The following ZNF280C variants were observed in gnomAD, a reference collection of about 807,000 sequenced individuals.
ZNF280C encodes the protein zinc finger protein 280C.
A neutral mutation model predicts 53.6 loss-of-function variants in ZNF280C; 14 were observed. The ratio of observed to expected loss-of-function variants is 0.26; its 90% confidence interval spans 0.17 to 0.41. The LOEUF (loss-of-function observed/expected upper bound fraction) is 0.41. Ranked by LOEUF, ZNF280C falls within the 10% of genes least tolerant of loss-of-function variation. The pLI is 1.00. For missense variants in ZNF280C, 416 were observed against 547.1 expected (o/e 0.76, Z 2.39); for synonymous variants, 203 against 181.1 (o/e 1.12, Z -0.97).
intron 5 of ZNF280C, among the ~76,000 whole-genome samples, 186 bp from the exon 6 acceptor site, chrX:130,239,879 T>C (rs1479990856): frequency 9.0e-6 from 1 of 111,395 alleles, no homozygotes; most frequent in African/African-American, 3.2e-5. Context: ...TGCATTATTT[T>C]TGTAATTTTT....
In ZNF280C at chrX:130,220,777, G is replaced by A. The variant is rs1026850184; in HGVS notation, c.1396-297C>T. Among the ~76,000 whole-genome samples the A allele has an allele frequency of 2.7e-5, 3 of 111,094 alleles. No individual in the cohort carries two copies. In the Admixed American group the frequency reaches 2.9e-4, roughly 11 times the overall value. ...ACGAGTGGATCCCAATCTATTGTTT[G>A]AGAAACCCTTGACTAAATCCCTCCT... is the stretch of plus-strand genomic sequence containing the variant. On this transcript the variant is annotated intron_variant, in intron 12 of 18. Transcript: ENST00000370978.
rs749412716 is a variant in ZNF280C at position 130,226,709 on chromosome X, A to C, written c.1395+50T>G. The C allele has an allele frequency of 2.6e-6, 3 of 1,148,485 alleles. No homozygotes were observed. The East Asian group carries it at 8.9e-5, about 34-fold the overall frequency. 94.6% of individuals were successfully genotyped at this position (1,148,485 alleles called of 1,213,427 possible). On this transcript the variant is annotated intron_variant, in intron 12 of 18. Coordinates refer to ENST00000370978, the MANE Select transcript of ZNF280C (RefSeq NM_017666.5). ...GCTATAGATCTATACATATAGATCT[A>C]TATCTTTTCACTAAGACAACATGAA...
chrX:130,239,563 A>T lies in ZNF280C; in HGVS notation c.493+19T>A. Reference sequence around the variant, plus strand: ...CAAGTCTCTTTTTATAATTTTTATGAAAGAGTGCTAAACCAAACCTTCTCT... The same window carrying T: ...CAAGTCTCTTTTTATAATTTTTATGTAAGAGTGCTAAACCAAACCTTCTCT... On this transcript the variant is annotated intron_variant, in intron 6 of 18. Transcript: ENST00000370978. 1 of 969,126 alleles carries T rather than the reference A, an allele frequency of 1.0e-6. No individual in the cohort carries two copies. Among genetic ancestry groups the T allele is most frequent in the Non-Finnish European group, 1.5e-6 (1 of 687,944 alleles). The allele number at this position is 969,126 out of a possible 1,213,427, so 79.9% of individuals were successfully genotyped here.
intron 2 of ZNF280C, among the ~76,000 whole-genome samples, chrX:130,251,889 G>A (rs111705798): frequency 0.063 from 6,972 of 111,445 alleles, 534 homozygotes; most frequent in African/African-American, 0.21. Context: ...CGGGGTGGGC[G>A]GATCACTTGA....
intron 1 of ZNF280C, among the ~76,000 whole-genome samples, chrX:130,265,400 A>T (rs1569442058): frequency 8.9e-6 from 1 of 112,300 alleles, no homozygotes; most frequent in Admixed American, 9.5e-5. Flanking sequence ...TCATATGTAA[A>T]AGATATAATA....
chrX:130,263,077 G>A, intron 1 of ZNF280C, among the ~76,000 whole-genome samples: 1 of 112,485 alleles, frequency 8.9e-6, no homozygotes, highest in African/African-American at 3.2e-5. Flanking sequence ...TGTTGGCAAG[G>A]ATGTAGAGAA....
At chrX:130,233,121 G>T (rs1456162934) in intron 8 of ZNF280C, among the ~76,000 whole-genome samples, 1 of 111,456 alleles carries the variant, frequency 9.0e-6, no homozygotes, top group African/African-American at 3.3e-5. Flanking sequence ...AATATTACAT[G>T]ATTTCTGTTA....
At position 130,203,186 on chromosome X, in the gene ZNF280C, T is replaced by C. The variant is rs1053653264; in HGVS notation, c.*1791A>G. ...ACAATTCTAAGAAATGTCTTGGAGT[T>C]TGTAATAAGAACAAAACAAACACAA... On this transcript the variant is annotated 3_prime_UTR_variant, in exon 19 of 19. Coordinates refer to ENST00000370978, the MANE Select transcript of ZNF280C (RefSeq NM_017666.5). 3.6e-5 allele frequency: 4 copies of C among 111,038 alleles called. No individual in the cohort carries two copies. The highest frequency in any genetic ancestry group is 5.7e-5 in the Non-Finnish European group (3 of 52,988). 9.2% of individuals were successfully genotyped at this position (111,038 alleles called of 1,213,427 possible). A position where few individuals can be genotyped will look rare whatever the true frequency, so the allele number is the denominator to read the frequency against.
intron 13 of ZNF280C, 27 bp downstream of exon 13, chrX:130,220,322 C>A (rs2032151090): frequency 2.8e-6 from 3 of 1,089,535 alleles, no homozygotes; most frequent in Admixed American, 3.4e-5. Context: ...GTGCAAAAAA[C>A]CACCAAAAAC....
chrX:130,264,955 CT>C (rs2124719651), intron 1 of ZNF280C, among the ~76,000 whole-genome samples: 1 of 111,994 alleles, frequency 8.9e-6, no homozygotes, highest in African/African-American at 3.2e-5. Context: ...GACAATTTGA[CT>C]GGCATCTCAA....
chrX:130,243,726 T>TG (rs1456200300), intron 4 of ZNF280C, 27 bp from the exon 5 acceptor site: 1 of 1,181,284 alleles, frequency 8.5e-7, no homozygotes. Flanking sequence ...TACAACATAT[T>TG]GAATATATTT....
At chrX:130,220,293 A>G in intron 13 of ZNF280C, 56 bp downstream of exon 13, 3 of 1,056,796 alleles carry the variant, frequency 2.8e-6, no homozygotes, top group East Asian at 3.3e-5. Flanking sequence ...AAAAAAAAAC[A>G]TAAAAAAATT....
chrX:130,212,324 TA>T (rs2032049067), intron 15 of ZNF280C, among the ~76,000 whole-genome samples: 1 of 110,944 alleles, frequency 9.0e-6, no homozygotes, highest in Admixed American at 9.7e-5. Context: ...AGGTAAAAGA[TA>T]AAACTTTAAG....
At chrX:130,226,559 A>G (rs754880951) in intron 12 of ZNF280C, among the ~76,000 whole-genome samples, 200 bp downstream of exon 12, 270 of 112,252 alleles carry the variant, frequency 2.4e-3, no homozygotes, top group African/African-American at 8.1e-3. Flanking sequence ...AGCAAGGAAA[A>G]TAAGTGAAAG....
At chrX:130,265,680 A>G (rs1239151168) in intron 1 of ZNF280C, among the ~76,000 whole-genome samples, 3 of 112,393 alleles carry the variant, frequency 2.7e-5, no homozygotes, top group Non-Finnish European at 5.6e-5. Flanking sequence ...CAAATCTGTA[A>G]GTATAATCAA....
intron 2 of ZNF280C, among the ~76,000 whole-genome samples, chrX:130,254,916 TA>T (rs2032550037): frequency 9.4e-6 from 1 of 106,111 alleles, no homozygotes; most frequent in African/African-American, 3.4e-5. Context: ...AAATAAAAGT[TA>T]AAAAAAGAAG....
chrX:130,227,818 G>A (rs961109505), intron 10 of ZNF280C, 36 bp from the exon 11 acceptor site: 5 of 764,891 alleles, frequency 6.5e-6, no homozygotes, highest in Non-Finnish European at 9.9e-6. Context: ...ACCATTTAAG[G>A]ATGTATATAA....
chrX:130,267,076 G>A (rs1270206485), intron 1 of ZNF280C, among the ~76,000 whole-genome samples: 4 of 106,912 alleles, frequency 3.7e-5, no homozygotes, highest in African/African-American at 1.0e-4. Flanking sequence ...ACTCCAGCCC[G>A]GGCGACATTG....
At chrX:130,263,358 G>C (rs1054072797) in intron 1 of ZNF280C, among the ~76,000 whole-genome samples, 1 of 112,418 alleles carries the variant, frequency 8.9e-6, no homozygotes, top group African/African-American at 3.2e-5. Context: ...CCATACAACT[G>C]AACACTATTT....
Sources: gnomAD v4.1 joint callset for allele counts (sites outside exome capture counted in the v4.1 genomes callset) on GRCh38, gnomAD v4.1.1 for gene constraint, MANE v1.5 for transcripts, NCBI Gene and HGNC (gene_info 2026-07-23, HGNC 2026-07-21) for gene names.